CLIP1: variants seen among roughly 807,000 people sequenced by gnomAD.
The protein encoded by CLIP1 is CAP-Gly domain-containing linker protein 1.
CLIP1 carries 66 observed loss-of-function variants against 161.6 expected under a neutral mutation model. The observed-to-expected ratio is 0.41, with a 90% CI of 0.33 to 0.50. The LOEUF (loss-of-function observed/expected upper bound fraction) is 0.50. Among genes scored for constraint, CLIP1 ranks in the 20% least tolerant of loss-of-function variants. The probability of loss-of-function intolerance (pLI) is 0.27; values close to 1 mark genes in which losing one functional copy is unlikely to be tolerated. For synonymous variants in CLIP1, 598 were observed against 626.2 expected (o/e 0.96, Z 0.67); for missense variants, 1,376 against 1,702.0 (o/e 0.81, Z 3.37).
intron 8 of CLIP1, 69 bp from the exon 9 acceptor site, chr12:122,351,212 G>A: frequency 1.1e-6 from 1 of 937,736 alleles, no homozygotes; most frequent in Non-Finnish European, 1.5e-6. Context: ...TTCAATATGT[G>A]TTAGGGTTTC....
chr12:122,345,777 C>T (rs1378056764), intron 10 of CLIP1, among the ~76,000 whole-genome samples: 1 of 150,156 alleles, frequency 6.7e-6, no homozygotes, highest in African/African-American at 2.5e-5. Context: ...ATGTAAGTGA[C>T]TATTTCTTTT....
chr12:122,408,346 T>C (rs1956405454), intron 1 of CLIP1, among the ~76,000 whole-genome samples: 1 of 152,118 alleles, frequency 6.6e-6, no homozygotes, highest in Admixed American at 6.6e-5. Flanking sequence ...CATTTCTTTA[T>C]TTTTTATTAT....
intron 17 of CLIP1, 43 bp from the exon 18 acceptor site, chr12:122,319,391 C>T (rs768835251): frequency 6.9e-7 from 1 of 1,443,866 alleles, no homozygotes; most frequent in Non-Finnish European, 9.8e-7. Context: ...ACAGCCCTCG[C>T]CAACACCGTT....
intron 1 of CLIP1, among the ~76,000 whole-genome samples, chr12:122,381,770 C>G (rs1955021855): frequency 6.6e-6 from 1 of 152,192 alleles, no homozygotes; most frequent in Non-Finnish European, 1.5e-5. Context: ...GCAGCCCACT[C>G]CAGCGGATGG....
Position 122,361,374 on chromosome 12 carries a change from A to G in CLIP1, c.783-193T>C, listed in dbSNP as rs1460523082. On this transcript the variant is annotated intron_variant, in intron 4 of 25. Transcript: ENST00000620786. ...CAACCTCAGTGATGGTTTAGAACAC[A>G]CACTGGTGACAATATGATACACAGA... Among the ~76,000 whole-genome samples, 3 of 152,364 alleles carry G rather than the reference A, an allele frequency of 2.0e-5. No homozygotes were observed. The East Asian group carries it at 5.8e-4, about 29-fold the overall frequency.
At chr12:122,312,004 A>C (rs899084873) in intron 19 of CLIP1, among the ~76,000 whole-genome samples, 2 of 152,208 alleles carry the variant, frequency 1.3e-5, no homozygotes, top group Non-Finnish European at 2.9e-5. Context: ...AGGCTCCAAT[A>C]ACCCAAATTC....
At chr12:122,419,987 G>A (rs1956886300) in intron 1 of CLIP1, among the ~76,000 whole-genome samples, 1 of 146,780 alleles carries the variant, frequency 6.8e-6, no homozygotes, top group Admixed American at 6.8e-5. Context: ...TGTCCCTTAT[G>A]AGTCACATGG....
intron 20 of CLIP1, among the ~76,000 whole-genome samples, chr12:122,306,577 C>T (rs1426936925): frequency 6.6e-6 from 1 of 152,158 alleles, no homozygotes; most frequent in African/African-American, 2.4e-5. Flanking sequence ...ACTGCAGAGC[C>T]CGCACCTGAC....
At position 122,271,481 on chromosome 12, in the gene CLIP1, A is replaced by G. The variant is rs940896812; in HGVS notation, c.*1394T>C. ...TAGATACAGAACACTTGTTTGGCCAAATTTTAATACTGCTTTACATGTTTT... is the reference window on the plus strand; with the variant it reads ...TAGATACAGAACACTTGTTTGGCCAGATTTTAATACTGCTTTACATGTTTT... On this transcript the variant is annotated 3_prime_UTR_variant, in exon 26 of 26. Transcript: ENST00000620786. 5.2e-5 allele frequency: 8 copies of G among 152,624 alleles called. No homozygotes were observed. The highest frequency in any genetic ancestry group is 4.6e-4 in the Admixed American group (7 of 15,272). The allele number at this position is 152,624 out of a possible 1,614,324, so 9.5% of individuals were successfully genotyped here.
chr12:122,381,296 G>A (rs1255152681), intron 1 of CLIP1, among the ~76,000 whole-genome samples: 1 of 152,022 alleles, frequency 6.6e-6, no homozygotes, highest in Non-Finnish European at 1.5e-5. Flanking sequence ...ACAGAATTAT[G>A]CAATTTACAA....
chr12:122,349,860 A>C (rs942409710), intron 9 of CLIP1, among the ~76,000 whole-genome samples: 2 of 152,028 alleles, frequency 1.3e-5, no homozygotes, highest in African/African-American at 4.8e-5. Context: ...TTCAGAACGA[A>C]GACCTTTTAA....
chr12:122,403,499 G>GTTT (rs11302150), intron 1 of CLIP1, among the ~76,000 whole-genome samples: 4 of 72,282 alleles, frequency 5.5e-5, no homozygotes, highest in Admixed American at 3.3e-4. Flanking sequence ...TTCTTGTTTT[G>GTTT]TTTTTTTTTT....
At chr12:122,312,539 G>A (rs755142573) in intron 19 of CLIP1, among the ~76,000 whole-genome samples, 8 of 152,120 alleles carry the variant, frequency 5.3e-5, no homozygotes, top group Non-Finnish European at 7.4e-5. Flanking sequence ...TGAGGCAGGC[G>A]GATCACTTGA....
At chr12:122,382,041 C>T (rs1449937192) in intron 1 of CLIP1, among the ~76,000 whole-genome samples, 1 of 152,114 alleles carries the variant, frequency 6.6e-6, no homozygotes, top group East Asian at 1.9e-4. Flanking sequence ...CCTGGTGAAC[C>T]TGGTGAAACC....
rs895019424 is a variant in CLIP1 at position 122,323,918 on chromosome 12, T to G, written c.3249+4029A>C. 1 of 152,678 alleles carries G rather than the reference T, an allele frequency of 6.5e-6. No homozygotes were observed. Among genetic ancestry groups the G allele is most frequent in the African/African-American group, 2.4e-5 (1 of 41,454 alleles). The allele number at this position is 152,678 out of a possible 1,614,324, so 9.5% of individuals were successfully genotyped here. A position where few individuals can be genotyped will look rare whatever the true frequency, so the allele number is the denominator to read the frequency against. ...CAGGTGATCTTTTTCTTCCTGGTCC[T>G]TCTCAGTCTTAGCAATCAAAGTATC... On this transcript the variant is annotated intron_variant, in intron 17 of 25. Transcript: ENST00000620786. This position sits in a 1 kb window ranked among gnomAD's most constrained non-coding sequence, Gnocchi z 4.1.
At chr12:122,420,001 G>C (rs1376013646) in intron 1 of CLIP1, among the ~76,000 whole-genome samples, 1 of 150,158 alleles carries the variant, frequency 6.7e-6, no homozygotes, top group Non-Finnish European at 1.5e-5. Context: ...CACATGGGAT[G>C]TGACAGAGTG....
intron 4 of CLIP1, among the ~76,000 whole-genome samples, chr12:122,362,797 A>T (rs1953935403): frequency 6.6e-6 from 1 of 151,878 alleles, no homozygotes; most frequent in African/African-American, 2.4e-5. Flanking sequence ...GGAGGGAAAA[A>T]AAAAAAGTAA....
chr12:122,411,956 C>T (rs909449978), intron 1 of CLIP1, among the ~76,000 whole-genome samples: 2 of 151,042 alleles, frequency 1.3e-5, no homozygotes, highest in African/African-American at 4.9e-5. Flanking sequence ...CTTTAAGTTA[C>T]TAAACTGTAT....
chr12:122,365,207 C>T (rs1203939735), intron 3 of CLIP1: 3 of 459,536 alleles, frequency 6.5e-6, no homozygotes, highest in East Asian at 3.5e-5. Context: ...GCACAATGTG[C>T]ACATGTACCC....
Sources: gnomAD v4.1 joint callset for allele counts (sites outside exome capture counted in the v4.1 genomes callset) on GRCh38, gnomAD v4.1.1 for gene constraint, Gnocchi (gnomAD v3.1) non-coding constraint, MANE v1.5 for transcripts, NCBI Gene and HGNC (gene_info 2026-07-23, HGNC 2026-07-21) for gene names.